MACROD2: variants seen among roughly 807,000 people sequenced by gnomAD.
MACROD2 encodes the protein mono-ADP ribosylhydrolase 2, also known as ADP-ribose glycohydrolase MACROD2.
Under a neutral mutation model 70.4 loss-of-function variants are expected in MACROD2, and 36 were observed. That is an observed-to-expected ratio of 0.51 (90% CI 0.39 to 0.68). MACROD2 has a LOEUF of 0.68. MACROD2 is among the 30% of genes least tolerant of loss of function. The probability of loss-of-function intolerance (pLI) is 0.00; values close to 1 mark genes in which losing one functional copy is unlikely to be tolerated. For synonymous variants in MACROD2, 172 were observed against 178.8 expected, an observed-to-expected ratio of 0.96 and a Z score of 0.30; for missense variants, 496 against 538.4, an observed-to-expected ratio of 0.92 and a Z score of 0.78.
intron 10 of MACROD2, among the ~76,000 whole-genome samples, chr20:15,889,426 T>C (rs950852604): frequency 6.6e-6 from 1 of 152,194 alleles, no homozygotes; most frequent in African/African-American, 2.4e-5. Flanking sequence ...CTTGCTTAAA[T>C]AGCAGAGCCA....
intron 3 of MACROD2, among the ~76,000 whole-genome samples, chr20:14,168,692 C>A (rs1330834235): frequency 6.6e-6 from 1 of 152,118 alleles, no homozygotes; most frequent in Non-Finnish European, 1.5e-5. Flanking sequence ...TTTCACTGCC[C>A]TAAAAAACTC....
At chr20:14,527,431 C>T (rs2085247380) in intron 4 of MACROD2, among the ~76,000 whole-genome samples, 1 of 152,164 alleles carries the variant, frequency 6.6e-6, no homozygotes, top group South Asian at 2.1e-4. Context: ...CCTTCTGTAT[C>T]ATTTAAAGGG....
intron 10 of MACROD2, among the ~76,000 whole-genome samples, chr20:15,932,441 C>A (rs957141752): frequency 2.0e-5 from 3 of 152,142 alleles, no homozygotes; most frequent in African/African-American, 7.2e-5. Context: ...CATTTGTGGC[C>A]ATCTTTAACC....
intron 8 of MACROD2, among the ~76,000 whole-genome samples, chr20:15,782,804 TC>T (rs1477086805): frequency 6.6e-6 from 1 of 151,818 alleles, no homozygotes; most frequent in African/African-American, 2.4e-5. Flanking sequence ...CCAATTTAAT[TC>T]CTTAAACAGC....
chr20:15,755,147 C>T (rs2051330031), intron 8 of MACROD2, among the ~76,000 whole-genome samples: 1 of 152,174 alleles, frequency 6.6e-6, no homozygotes, highest in Non-Finnish European at 1.5e-5. Context: ...GCATGAGCCA[C>T]CGCACACAGC....
At chr20:15,709,407 TC>T (rs2050591348) in intron 8 of MACROD2, among the ~76,000 whole-genome samples, 1 of 152,166 alleles carries the variant, frequency 6.6e-6, no homozygotes, top group Non-Finnish European at 1.5e-5. Flanking sequence ...ATGTCTGTAA[TC>T]CCAGCACTTT....
chr20:15,515,734 A>T (rs1025179668), intron 8 of MACROD2, among the ~76,000 whole-genome samples: 1 of 152,246 alleles, frequency 6.6e-6, no homozygotes, highest in African/African-American at 2.4e-5. Context: ...TCTCATACAG[A>T]TTAAGATTCA....
intron 15 of MACROD2, among the ~76,000 whole-genome samples, chr20:16,031,736 T>C (rs2067154631): frequency 6.6e-6 from 1 of 152,150 alleles, no homozygotes; most frequent in Admixed American, 6.5e-5. Context: ...TACTAATCAA[T>C]GCACATTTGC....
At chr20:15,100,083 T>G (rs570594767) in intron 5 of MACROD2, among the ~76,000 whole-genome samples, 1 of 152,034 alleles carries the variant, frequency 6.6e-6, no homozygotes, top group Non-Finnish European at 1.5e-5. Context: ...CATTTGGATA[T>G]TTATTTATTT....
intron 5 of MACROD2, among the ~76,000 whole-genome samples, chr20:15,016,653 C>G (rs1201096080): frequency 6.6e-6 from 1 of 152,098 alleles, no homozygotes; most frequent in Non-Finnish European, 1.5e-5. Context: ...TGTTTTCATG[C>G]TGCTGATAAA....
chr20:15,945,954 T>C (rs1187938221), intron 12 of MACROD2, among the ~76,000 whole-genome samples: 1 of 152,138 alleles, frequency 6.6e-6, no homozygotes, highest in Non-Finnish European at 1.5e-5. Context: ...CCCTGCAACC[T>C]GTGCAAGGTG....
intron 8 of MACROD2, among the ~76,000 whole-genome samples, chr20:15,792,661 A>T (rs1359661433): frequency 6.6e-6 from 1 of 152,188 alleles, no homozygotes; most frequent in Non-Finnish European, 1.5e-5. Flanking sequence ...GTTAGATAAT[A>T]TCCAGTGTCA....
chr20:15,193,066 A>C (rs1228525671), intron 5 of MACROD2, among the ~76,000 whole-genome samples: 1 of 152,164 alleles, frequency 6.6e-6, no homozygotes, highest in Non-Finnish European at 1.5e-5. Flanking sequence ...TCGGTTGTGC[A>C]TGAGAATACG....
At chr20:15,850,394 A>G (rs1600994444) in intron 8 of MACROD2, among the ~76,000 whole-genome samples, 1 of 152,350 alleles carries the variant, frequency 6.6e-6, no homozygotes, top group South Asian at 2.1e-4. Context: ...GCCTGCCAGC[A>G]CTATGAAAGC....
intron 5 of MACROD2, among the ~76,000 whole-genome samples, chr20:15,005,435 C>G (rs1281253068): frequency 6.6e-6 from 1 of 152,194 alleles, no homozygotes; most frequent in Non-Finnish European, 1.5e-5. Context: ...TTCAGCTTAT[C>G]TAACATGGCC....
intron 4 of MACROD2, among the ~76,000 whole-genome samples, chr20:14,641,575 G>T (rs977256080): frequency 6.6e-6 from 1 of 152,130 alleles, no homozygotes; most frequent in Non-Finnish European, 1.5e-5. Context: ...AGTCAAAATT[G>T]CTCCTTGATT....
intron 5 of MACROD2, among the ~76,000 whole-genome samples, chr20:15,151,556 A>G (rs1057142561): frequency 5.3e-5 from 8 of 152,036 alleles, no homozygotes; most frequent in Non-Finnish European, 1.0e-4. Flanking sequence ...CAGATTGGGT[A>G]ATAAAATGTA....
intron 8 of MACROD2, among the ~76,000 whole-genome samples, chr20:15,784,315 C>T (rs1217942334): frequency 1.3e-5 from 2 of 151,488 alleles, no homozygotes; most frequent in African/African-American, 4.8e-5. Context: ...AAAATTAGCT[C>T]TGAGGAATGA....
chr20:15,609,510 C>G (rs755140332), intron 8 of MACROD2, among the ~76,000 whole-genome samples: 9 of 152,182 alleles, frequency 5.9e-5, no homozygotes, highest in Non-Finnish European at 1.0e-4. Flanking sequence ...CATCCATATG[C>G]TTCTCTGAGT....
Sources: allele counts gnomAD v4.1 joint callset (sites outside exome capture counted in the v4.1 genomes callset), GRCh38; gene constraint gnomAD v4.1.1; transcripts MANE v1.5; gene names NCBI Gene and HGNC (gene_info 2026-07-23, HGNC 2026-07-21).